Variants in CFAP91 observed in about 807,000 individuals in gnomAD.
The protein encoded by CFAP91 is cilia and flagella associated protein 91.
A neutral mutation model predicts 95.9 loss-of-function variants in CFAP91; 85 were observed. The ratio of observed to expected loss-of-function variants is 0.89; its 90% CI spans 0.74 to 1.06. The LOEUF is 1.06. Among genes scored for constraint, CFAP91 ranks in the 50% least tolerant of loss-of-function variants. The probability of loss-of-function intolerance (pLI) is 0.00; values close to 1 mark genes in which losing one functional copy is unlikely to be tolerated. For synonymous variants in CFAP91, 335 were observed against 327.5 expected, an observed-to-expected ratio of 1.02 and a Z score of -0.25; for missense variants, 962 against 943.4, an observed-to-expected ratio of 1.02 and a Z score of -0.26.
intron 17 of CFAP91, among the ~76,000 whole-genome samples, chr3:119,751,770 TG>T (rs2054328966): frequency 6.6e-6 from 1 of 151,534 alleles, no homozygotes; most frequent in Non-Finnish European, 1.5e-5. Flanking sequence ...TCACACCGGG[TG>T]GGTACAGGAG....
intron 17 of CFAP91, among the ~76,000 whole-genome samples, chr3:119,760,944 C>T (rs768152279): frequency 6.6e-5 from 10 of 150,390 alleles, no homozygotes; most frequent in East Asian, 3.9e-4. Flanking sequence ...AAGTAAACAA[C>T]GTAATATTAC....
intron 11 of CFAP91, among the ~76,000 whole-genome samples, chr3:119,738,410 G>A (rs2054054736): frequency 3.2e-5 from 4 of 124,422 alleles, no homozygotes; most frequent in Admixed American, 1.0e-4. Context: ...GTGCAGTGGT[G>A]CAACCTTGGC....
chr3:119,718,428 T>TAAAAG (rs1261165751), intron 6 of CFAP91, among the ~76,000 whole-genome samples: 3 of 151,912 alleles, frequency 2.0e-5, no homozygotes, highest in Non-Finnish European at 4.4e-5. Flanking sequence ...TAGAACAAGA[T>TAAAAG]AAAAGAAAAG....
intron 10 of CFAP91, among the ~76,000 whole-genome samples, chr3:119,734,756 A>G (rs2053969051): frequency 1.3e-5 from 2 of 152,128 alleles, no homozygotes; most frequent in East Asian, 1.9e-4. Flanking sequence ...TTGACTATGT[A>G]TGGGGTTGGT....
chr3:119,703,540 C>T (rs1188119421), intron 1 of CFAP91, among the ~76,000 whole-genome samples: 9 of 152,244 alleles, frequency 5.9e-5, no homozygotes, highest in African/African-American at 2.2e-4. Context: ...ATTCACTCAA[C>T]GTTCCTGCAT....
chr3:119,747,623 C>T lies in CFAP91; in HGVS notation c.2052-188C>T, dbSNP rs1043092355. 5.0e-6 allele frequency: 3 copies of T among 600,716 alleles called. No individual in the cohort carries two copies. In the African/African-American group the frequency reaches 5.6e-5, roughly 11 times the overall value. 37.2% of individuals were successfully genotyped at this position (600,716 alleles called of 1,614,324 possible). A position where few individuals can be genotyped will look rare whatever the true frequency, so the allele number is the denominator to read the frequency against. On this transcript the variant is annotated intron_variant, in intron 15 of 17. Coordinates refer to ENST00000273390, the MANE Select transcript of CFAP91 (RefSeq NM_033364.4). ...CCTGGCAGGCAGGGTAACTGAAGGA[C>T]AGGGTCAAATCCAAATTTTTTTGTG...
At chr3:119,751,171 G>C (rs1369832107) in intron 17 of CFAP91, 73 bp downstream of exon 17, 1 of 1,478,074 alleles carries the variant, frequency 6.8e-7, no homozygotes, top group East Asian at 2.3e-5. Flanking sequence ...TTTGTGCTGT[G>C]CTCAAACAAT....
intron 7 of CFAP91, 144 bp downstream of exon 7, chr3:119,726,492 T>A: frequency 1.4e-6 from 1 of 721,756 alleles, no homozygotes; most frequent in Non-Finnish European, 2.2e-6. Context: ...ATCCGGTTCT[T>A]TCAGGAGCAG....
At chr3:119,717,912 A>G (rs6771837) in intron 6 of CFAP91, among the ~76,000 whole-genome samples, 110,998 of 151,980 alleles carry the variant, frequency 0.73, 42,385 homozygotes, top group Non-Finnish European at 0.85. Context: ...CCATTTGTAG[A>G]AGGATTTCCA....
intron 10 of CFAP91, among the ~76,000 whole-genome samples, chr3:119,735,761 G>A (rs565730106): frequency 1.3e-5 from 2 of 152,202 alleles, no homozygotes; most frequent in South Asian, 2.1e-4. Flanking sequence ...TCCCTTCCCT[G>A]TGATATTCCT....
intron 13 of CFAP91, among the ~76,000 whole-genome samples, chr3:119,743,747 A>G (rs527654110): frequency 6.6e-6 from 1 of 152,328 alleles, no homozygotes; most frequent in East Asian, 1.9e-4. Context: ...TGCTTATTTG[A>G]GGGCTGTGGT....
chr3:119,723,916 T>A (rs866728321), intron 6 of CFAP91, among the ~76,000 whole-genome samples: 9 of 151,904 alleles, frequency 5.9e-5, no homozygotes, highest in South Asian at 4.2e-4. Context: ...TCCCAACACT[T>A]TGGGAGGCTG....
intron 6 of CFAP91, among the ~76,000 whole-genome samples, chr3:119,722,099 G>A (rs1452465492): frequency 6.6e-6 from 1 of 150,394 alleles, no homozygotes; most frequent in East Asian, 1.9e-4. Flanking sequence ...GAGCCCAGGG[G>A]TTCAAGGTTA....
rs185383029 is a variant in CFAP91 at position 119,765,311 on chromosome 3, T to G, written c.*261T>G. On this transcript the variant is annotated 3_prime_UTR_variant, in exon 18 of 18. Coordinates refer to ENST00000273390, the MANE Select transcript of CFAP91 (RefSeq NM_033364.4). Reference sequence around the variant, plus strand: ...TCTTATGTCTCATTTCAATATTTTGTTAACTATGAGGATGTGCTGGTTTGT... The same window carrying G: ...TCTTATGTCTCATTTCAATATTTTGGTAACTATGAGGATGTGCTGGTTTGT... The G allele has an allele frequency of 2.0e-5, 3 of 152,338 alleles. No individual in the cohort carries two copies. Among genetic ancestry groups the G allele is most frequent in the Admixed American group, 2.0e-4 (3 of 15,304 alleles). 9.4% of individuals were successfully genotyped at this position (152,338 alleles called of 1,614,324 possible).
In CFAP91 at chr3:119,716,897, C is replaced by T. The variant is rs546435851; in HGVS notation, c.682+1154C>T. 7.0e-4 allele frequency among the ~76,000 whole-genome samples: 107 copies of T among 152,144 alleles called. 1 individual carries two copies. Among genetic ancestry groups the T allele is most frequent in the Non-Finnish European group, 1.2e-3 (80 of 68,000 alleles). On this transcript the variant is annotated intron_variant, in intron 6 of 17. Coordinates refer to ENST00000273390, the MANE Select transcript of CFAP91 (RefSeq NM_033364.4). ...GAGCTACCGCACCTGGCCCAACACC[C>T]GTACTTTAAAGCAGAGGCTCTACTT...
chr3:119,717,380 G>T lies in CFAP91; in HGVS notation c.682+1637G>T, dbSNP rs78519218. Among the ~76,000 whole-genome samples, 703 of 152,218 alleles carry T rather than the reference G, an allele frequency of 4.6e-3. 3 individuals carry two copies. Among genetic ancestry groups the T allele is most frequent in the African/African-American group, 0.016 (657 of 41,538 alleles). On this transcript the variant is annotated intron_variant, in intron 6 of 17. Coordinates refer to ENST00000273390, the MANE Select transcript of CFAP91 (RefSeq NM_033364.4). ...ACAAACAAAAAAAACAACCTAATCT[G>T]GTACACTGTCATAGCAGAACTGAAG...
chr3:119,728,746 C>A (rs1003781077), intron 7 of CFAP91, among the ~76,000 whole-genome samples: 2 of 152,350 alleles, frequency 1.3e-5, no homozygotes, highest in African/African-American at 4.8e-5. Flanking sequence ...TGCTGAGGCC[C>A]TGCTTTTCCT....
chr3:119,725,744 G>T (rs1316025081), intron 6 of CFAP91, among the ~76,000 whole-genome samples: 1 of 151,568 alleles, frequency 6.6e-6, no homozygotes, highest in African/African-American at 2.4e-5. Flanking sequence ...GCAACAGAGT[G>T]AGACCTTGAT....
intron 14 of CFAP91, among the ~76,000 whole-genome samples, chr3:119,746,282 C>G (rs2054217791): frequency 6.6e-6 from 1 of 152,206 alleles, no homozygotes; most frequent in Admixed American, 6.5e-5. Context: ...ATTCATTACA[C>G]TGTACATTTA....
Sources: gnomAD v4.1 joint callset for allele counts (sites outside exome capture counted in the v4.1 genomes callset) on GRCh38, gnomAD v4.1.1 for gene constraint, MANE v1.5 for transcripts, NCBI Gene and HGNC (gene_info 2026-07-23, HGNC 2026-07-21) for gene names.